SLC25A27: variants seen among roughly 807,000 people sequenced by gnomAD.
The protein encoded by SLC25A27 is mitochondrial uncoupling protein 4.
Under a neutral mutation model 49.1 loss-of-function variants are expected in SLC25A27, and 35 were observed. The ratio of observed to expected loss-of-function variants is 0.71; its 90% CI spans 0.54 to 0.95. SLC25A27 has a LOEUF of 0.95. Ranked by LOEUF, SLC25A27 falls within the 40% of genes least tolerant of loss-of-function variation. The pLI is 0.00. For synonymous variants in SLC25A27, 144 were observed against 136.9 expected, an observed-to-expected ratio of 1.05 and a Z score of -0.36; for missense variants, 339 against 397.1, an observed-to-expected ratio of 0.85 and a Z score of 1.24.
chr6:46,665,546 TGTG>T (rs1220358086), intron 5 of SLC25A27, among the ~76,000 whole-genome samples: 1 of 151,766 alleles, frequency 6.6e-6, no homozygotes, highest in African/African-American at 2.4e-5. Context: ...ATTAGCCAGG[TGTG>T]GTGGCAGGTG....
At chr6:46,670,030 G>T (rs1763465757) in intron 6 of SLC25A27, 105 bp from the exon 7 acceptor site, 1 of 609,740 alleles carries the variant, frequency 1.6e-6, no homozygotes, top group Non-Finnish European at 2.7e-6. Flanking sequence ...TATGAAGCTT[G>T]TAAGAATATA....
intron 5 of SLC25A27, among the ~76,000 whole-genome samples, chr6:46,665,333 C>T (rs1013010873): frequency 6.6e-5 from 10 of 152,170 alleles, no homozygotes; most frequent in Admixed American, 2.6e-4. Context: ...CTTAACTCAT[C>T]CCTACCCCTC....
chr6:46,653,760 A>T (rs1036178056), intron 1 of SLC25A27: 1 of 985,004 alleles, frequency 1.0e-6, no homozygotes, highest in Admixed American at 6.1e-5. Context: ...CTCACAGAGC[A>T]TCGACTACTT....
chr6:46,653,316 C>G lies in SLC25A27; in HGVS notation c.106+18C>G, dbSNP rs1263882818. 6.2e-7 allele frequency: 1 copy of G among 1,602,984 alleles called. No homozygotes were observed. The highest frequency in any genetic ancestry group is 2.2e-5 in the East Asian group (1 of 44,518). ...CGAGCTAGGTACCCGGCTGCCCACG[C>G]CTGGGCCTCCCGGGCCAGTGGCACG... On this transcript the variant is annotated intron_variant, in intron 1 of 8. Coordinates refer to ENST00000371347, the MANE Select transcript of SLC25A27 (RefSeq NM_004277.5).
At chr6:46,670,934 G>C (rs991599569) in intron 7 of SLC25A27, among the ~76,000 whole-genome samples, 192 bp from the exon 8 acceptor site, 2 of 152,092 alleles carry the variant, frequency 1.3e-5, no homozygotes, top group Non-Finnish European at 2.9e-5. Flanking sequence ...GTTTCACCGT[G>C]TTAGCCAGGA....
chr6:46,666,253 T>C (rs1763322721), intron 5 of SLC25A27, among the ~76,000 whole-genome samples: 1 of 152,230 alleles, frequency 6.6e-6, no homozygotes, highest in South Asian at 2.1e-4. Flanking sequence ...ATAGCTATTA[T>C]TGCTTGTGTC....
Position 46,676,720 on chromosome 6 carries a change from A to T in SLC25A27, c.*266A>T, listed in dbSNP as rs1360094681. 1 of 1,538,140 alleles carries T rather than the reference A, an allele frequency of 6.5e-7. No individual in the cohort carries two copies. Among genetic ancestry groups the T allele is most frequent in the Admixed American group, 2.0e-5 (1 of 50,984 alleles). On this transcript the variant is annotated 3_prime_UTR_variant, in exon 9 of 9. Transcript: ENST00000371347. ...TTTTCTAAAGAAGAATCGAAGCCTG[A>T]CCACTTTCACCTTGGGCAAGAAGGT...
intron 4 of SLC25A27, among the ~76,000 whole-genome samples, chr6:46,663,818 T>C (rs913591029): frequency 1.3e-5 from 2 of 152,202 alleles, no homozygotes; most frequent in Non-Finnish European, 2.9e-5. Flanking sequence ...ATTTTAGCTT[T>C]GTAATCATAG....
chr6:46,653,101 A>G lies in SLC25A27; in HGVS notation c.-92A>G. On this transcript the variant is annotated 5_prime_UTR_variant, in exon 1 of 9. It removes the in-frame stop codon of an upstream open reading frame in the 5' UTR. Coordinates refer to ENST00000371347, the MANE Select transcript of SLC25A27 (RefSeq NM_004277.5). ...TCCTCACCCGGCCACTCGCCGGTTG[A>G]AAAGGGGCCGCCCTGGCAGGGAAGC... 2.3e-6 allele frequency: 3 copies of G among 1,282,352 alleles called. No homozygotes were observed. The highest frequency in any genetic ancestry group is 3.3e-6 in the Non-Finnish European group (3 of 903,424). 79.4% of individuals were successfully genotyped at this position (1,282,352 alleles called of 1,614,324 possible). A position where few individuals can be genotyped will look rare whatever the true frequency, so the allele number is the denominator to read the frequency against.
intron 3 of SLC25A27, among the ~76,000 whole-genome samples, chr6:46,662,168 G>C (rs1289344812): frequency 2.6e-5 from 4 of 151,932 alleles, no homozygotes; most frequent in Admixed American, 2.0e-4. Flanking sequence ...GCCATATAAG[G>C]CCTGAAATTT....
chr6:46,655,716 GC>G, intron 1 of SLC25A27, 126 bp from the exon 2 acceptor site: 1 of 768,802 alleles, frequency 1.3e-6, no homozygotes, highest in South Asian at 1.7e-5. Flanking sequence ...AATCTCCCTA[GC>G]TGATTCTGAT....
chr6:46,652,990 G>A lies in SLC25A27; in HGVS notation c.-203G>A, dbSNP rs1582488385. The A allele has an allele frequency of 3.4e-6, 2 of 595,750 alleles. No homozygotes were observed. Among genetic ancestry groups the A allele is most frequent in the South Asian group, 2.0e-5 (1 of 49,370 alleles). The allele number at this position is 595,750 out of a possible 1,614,324, so 36.9% of individuals were successfully genotyped here. A position where few individuals can be genotyped will look rare whatever the true frequency, so the allele number is the denominator to read the frequency against. On this transcript the variant is annotated 5_prime_UTR_variant, in exon 1 of 9. Coordinates refer to ENST00000371347, the MANE Select transcript of SLC25A27 (RefSeq NM_004277.5). Reference sequence around the variant, plus strand: ...GGGCTCCGCTGTGTTTTTCTATTCTGGGGTGTAAGGGGCAGCTGGACCACT... The same window carrying A: ...GGGCTCCGCTGTGTTTTTCTATTCTAGGGTGTAAGGGGCAGCTGGACCACT...
chr6:46,676,425 A>G lies in SLC25A27; in HGVS notation c.943A>G (p.Arg315Gly). ...MVFWLTYEKI[R>G]EMSGVSPF is the part of the protein sequence containing the mutation. ...GTTCTGGCTTACTTATGAAAAAATC[A>G]GAGAGATGAGTGGAGTCAGTCCATT... is the stretch of plus-strand genomic sequence containing the variant. Residue 315 changes from arginine (R) to glycine (G), a missense_variant, in exon 9 of 9, where the codon AGA (arginine) becomes GGA (glycine). Arg to Gly is a moderately radical substitution (Grantham distance 125). Transcript: ENST00000371347. The G allele has an allele frequency of 2.5e-6, 4 of 1,614,034 alleles. No homozygotes were observed. Among genetic ancestry groups the G allele is most frequent in the Non-Finnish European group, 2.5e-6 (3 of 1,179,904 alleles).
chr6:46,653,188 G>T lies in SLC25A27; in HGVS notation c.-5G>T. 2 of 1,612,480 alleles carry T rather than the reference G, an allele frequency of 1.2e-6. No individual in the cohort carries two copies. The highest frequency in any genetic ancestry group is 1.7e-6 in the Non-Finnish European group (2 of 1,179,150). On this transcript the variant is annotated 5_prime_UTR_variant, in exon 1 of 9. Transcript: ENST00000371347. ...GAGTGCGTTATCGTCTTGCGCTACT[G>T]CTGAATGTCCGTCCCGGAGGAGGAG...
chr6:46,655,535 G>GTTTTTTTGTTTTTTTT (rs1762946081), intron 1 of SLC25A27, among the ~76,000 whole-genome samples: 1 of 10,710 alleles, frequency 9.3e-5, no homozygotes, highest in Non-Finnish European at 2.0e-4. Context: ...GTTAATGTTT[G>GTTTTTTTGTTTTTTTT]TTTTTTTTTT....
chr6:46,660,724 G>A (rs944624700), intron 3 of SLC25A27, among the ~76,000 whole-genome samples: 2 of 152,122 alleles, frequency 1.3e-5, no homozygotes, highest in South Asian at 2.1e-4. Context: ...CTAAGTCACA[G>A]CTATAAAAAG....
Position 46,664,788 on chromosome 6 carries a change from A to C in SLC25A27, c.521A>C (p.His174Pro). 2 of 1,602,524 alleles carry C rather than the reference A, an allele frequency of 1.2e-6. No individual in the cohort carries two copies. Among genetic ancestry groups the C allele is most frequent in the Non-Finnish European group, 1.7e-6 (2 of 1,172,770 alleles). The change falls in exon 5 of 9, where the codon CAT becomes CCT. Residue 174 changes from histidine (H) to proline (P), a missense_variant. Coordinates refer to ENST00000371347, the MANE Select transcript of SLC25A27 (RefSeq NM_004277.5). ...ATTCTCCTTAGATTTCGTGGTGTAC[A>C]TCATGCATTTGCAAAAATCTTAGCT... ...EGKPLRFRGV[H>P]HAFAKILAEG...
intron 1 of SLC25A27, chr6:46,653,804 A>G: frequency 2.0e-6 from 2 of 985,174 alleles, no homozygotes; most frequent in Non-Finnish European, 2.4e-6. Flanking sequence ...TATACTGTTT[A>G]CCTTGCAGGA....
chr6:46,669,998 T>A (rs1562041123), intron 6 of SLC25A27, 137 bp from the exon 7 acceptor site: 1 of 548,796 alleles, frequency 1.8e-6, no homozygotes, highest in Non-Finnish European at 3.1e-6. Context: ...AATTTAGCAT[T>A]AATTTTAAGC....
Sources: gnomAD v4.1 joint callset for allele counts (sites outside exome capture counted in the v4.1 genomes callset) on GRCh38, gnomAD v4.1.1 for gene constraint, MANE v1.5 for transcripts, NCBI Gene and HGNC (gene_info 2026-07-23, HGNC 2026-07-21) for gene names.